RASSF4: variants seen among roughly 807,000 people sequenced by gnomAD.
The protein encoded by RASSF4 is ras association domain-containing protein 4.
A neutral mutation model predicts 41.1 loss-of-function variants in RASSF4; 38 were observed. That is an observed-to-expected ratio of 0.92 (90% CI 0.71 to 1.21). The LOEUF (loss-of-function observed/expected upper bound fraction) is 1.21, where lower values mean the gene tolerates loss of function less well. RASSF4 is among the 50% of genes most tolerant of loss of function. RASSF4 has a pLI of 0.00. For synonymous variants in RASSF4, 179 were observed against 163.4 expected, an observed-to-expected ratio of 1.10 and a Z score of -0.73; for missense variants, 414 against 419.4, an observed-to-expected ratio of 0.99 and a Z score of 0.11.
chr10:44,989,207 A>T (rs1301806659), intron 6 of RASSF4, 67 bp from the exon 7 acceptor site: 3 of 985,070 alleles, frequency 3.0e-6, no homozygotes, highest in Non-Finnish European at 4.8e-6. Context: ...TGGTCTGTTC[A>T]CCGTTGTGAT....
chr10:44,976,335 A>G (rs547661596), intron 3 of RASSF4: 15 of 152,404 alleles, frequency 9.8e-5, no homozygotes, highest in African/African-American at 3.6e-4. Flanking sequence ...AACAGAAGAC[A>G]GAAAACATTT....
At chr10:44,989,177 C>A in intron 6 of RASSF4, 97 bp from the exon 7 acceptor site, 1 of 726,632 alleles carries the variant, frequency 1.4e-6, no homozygotes, top group Non-Finnish European at 2.4e-6. Context: ...GTTCCCAGAT[C>A]TCAGCGTCAC....
chr10:44,971,760 T>C lies in RASSF4; in HGVS notation c.63-13T>C, dbSNP rs1196618187. On this transcript the variant is annotated splice_polypyrimidine_tract_variant and intron_variant, in intron 2 of 10. Coordinates refer to ENST00000340258, the MANE Select transcript of RASSF4 (RefSeq NM_032023.4). ...CACACCCTAGGAGTACATGTGTGTCTTTCCCTTTTTAGGTCGGAGCTCTTA... is the reference window on the plus strand; with the variant it reads ...CACACCCTAGGAGTACATGTGTGTCCTTCCCTTTTTAGGTCGGAGCTCTTA... 1.9e-6 allele frequency: 3 copies of C among 1,611,682 alleles called. No individual in the cohort carries two copies. In the Admixed American group the frequency reaches 5.0e-5, roughly 27 times the overall value.
At chr10:44,969,918 T>A (rs1841077060) in intron 1 of RASSF4, among the ~76,000 whole-genome samples, 1 of 151,896 alleles carries the variant, frequency 6.6e-6, no homozygotes, top group South Asian at 2.1e-4. Context: ...TTATGGAGAG[T>A]CTTCTGGGGT....
intron 3 of RASSF4, among the ~76,000 whole-genome samples, chr10:44,980,054 G>A (rs964973433): frequency 3.3e-5 from 5 of 152,130 alleles, no homozygotes; most frequent in South Asian, 2.1e-4. Context: ...CCTGGAACAC[G>A]CCTGCCTGTG....
At chr10:44,982,418 AG>A in intron 3 of RASSF4, 102 bp from the exon 4 acceptor site, 1 of 1,405,786 alleles carries the variant, frequency 7.1e-7, no homozygotes, top group Non-Finnish European at 1.0e-6. Context: ...ACTCAGGAGG[AG>A]GGATGTGCAA....
intron 1 of RASSF4, among the ~76,000 whole-genome samples, chr10:44,966,347 T>C (rs188916793): frequency 9.8e-5 from 15 of 152,288 alleles, no homozygotes; most frequent in Admixed American, 9.2e-4. Flanking sequence ...TAAATGTAAA[T>C]CATGCCGTGT....
chr10:44,971,231 GT>G (rs1449803389), intron 2 of RASSF4: 5 of 333,642 alleles, frequency 1.5e-5, no homozygotes, highest in African/African-American at 1.1e-4. Context: ...GGGAGACAGC[GT>G]TGAGGGAAAG....
At chr10:44,966,138 T>A (rs1428146407) in intron 1 of RASSF4, among the ~76,000 whole-genome samples, 2 of 152,074 alleles carry the variant, frequency 1.3e-5, no homozygotes, top group African/African-American at 4.8e-5. Flanking sequence ...CCATTGGAGG[T>A]CAATATTCTT....
chr10:44,981,592 G>A (rs1841709625), intron 3 of RASSF4: 1 of 152,256 alleles, frequency 6.6e-6, no homozygotes, highest in Non-Finnish European at 1.5e-5. Context: ...CACATTAGGA[G>A]TGTGTAGTTT....
intron 5 of RASSF4, 60 bp downstream of exon 5, chr10:44,984,173 C>T (rs1175694185): frequency 2.1e-6 from 3 of 1,459,884 alleles, no homozygotes; most frequent in Non-Finnish European, 2.8e-6. Context: ...AGCAGAGGGG[C>T]TTGGCTCACA....
intron 5 of RASSF4, chr10:44,984,465 A>G: frequency 2.1e-6 from 1 of 483,526 alleles, no homozygotes; most frequent in Non-Finnish European, 3.7e-6. Flanking sequence ...GTACCTGCTC[A>G]CTCATCCTTT....
At chr10:44,970,625 A>C (rs1322335329) in intron 2 of RASSF4, 1 of 206,980 alleles carries the variant, frequency 4.8e-6, no homozygotes, top group Admixed American at 5.4e-5. Flanking sequence ...CACCTGTTTC[A>C]TTTTCCCCTC....
rs1267472800 is a variant in RASSF4, at chr10:44,989,714, G to A, written c.678G>A (p.Glu226=). The change falls in exon 8 of 11, where the codon GAG becomes GAA. Residue 226 remains glutamate, a synonymous_variant. Coordinates refer to ENST00000340258, the MANE Select transcript of RASSF4 (RefSeq NM_032023.4). ...PSEFALYIVH[E]SGERTKLKDC... ...AGTTCGCACTCTACATCGTTCACGA[G>A]TCTGGGGGTAAGTACCTGCCCCACT... is the stretch of plus-strand genomic sequence containing the variant. 8 of 1,613,974 alleles carry A rather than the reference G, an allele frequency of 5.0e-6. No individual in the cohort carries two copies. Among genetic ancestry groups the A allele is most frequent in the East Asian group, 4.5e-5 (2 of 44,878 alleles).
At chr10:44,986,777 G>C (rs1478920243) in intron 6 of RASSF4, among the ~76,000 whole-genome samples, 4 of 152,348 alleles carry the variant, frequency 2.6e-5, no homozygotes, top group Admixed American at 6.5e-5. Flanking sequence ...TTGAATTTCT[G>C]AGATAGTTCC....
chr10:44,977,262 C>G, intron 3 of RASSF4: 1 of 1,257,074 alleles, frequency 8.0e-7, no homozygotes, highest in African/African-American at 1.5e-5. Flanking sequence ...CTGTGAACTG[C>G]CCAAGCAGGG....
At chr10:44,993,062 C>T (rs1002089690) in intron 10 of RASSF4, among the ~76,000 whole-genome samples, 1 of 152,224 alleles carries the variant, frequency 6.6e-6, no homozygotes, top group Non-Finnish European at 1.5e-5. Context: ...AATGACAACA[C>T]TCTGCTCTGA....
intron 6 of RASSF4, among the ~76,000 whole-genome samples, chr10:44,987,415 T>G (rs1416663361): frequency 6.6e-6 from 1 of 152,148 alleles, no homozygotes; most frequent in Non-Finnish European, 1.5e-5. Context: ...CATATTTCTT[T>G]GGACAAGAAA....
Position 44,971,851 on chromosome 10 carries a change from G to A in RASSF4, c.138+3G>A. On this transcript the variant is annotated splice_donor_region_variant and intron_variant, in intron 3 of 10. Transcript: ENST00000340258. ...GCTTCCAGCTGAGACACCGTGAGGT[G>A]AGCCTGTTGCTCTTGTTCATGGGGT... 3 of 1,606,970 alleles carry A rather than the reference G, an allele frequency of 1.9e-6. No homozygotes were observed. Among genetic ancestry groups the A allele is most frequent in the Non-Finnish European group, 2.6e-6 (3 of 1,174,564 alleles).
Sources: gnomAD v4.1 joint callset for allele counts (sites outside exome capture counted in the v4.1 genomes callset) on GRCh38, gnomAD v4.1.1 for gene constraint, MANE v1.5 for transcripts, NCBI Gene and HGNC (gene_info 2026-07-23, HGNC 2026-07-21) for gene names.